EFHC1: variants seen among roughly 807,000 people sequenced by gnomAD.
EFHC1 encodes the protein EF-hand domain-containing protein 1.
A neutral mutation model predicts 69.9 loss-of-function variants in EFHC1; 53 were observed. The ratio of observed to expected loss-of-function variants is 0.76; its 90% CI spans 0.61 to 0.95. EFHC1 has a LOEUF of 0.95. EFHC1 is among the 40% of genes least tolerant of loss of function. The pLI is 0.00. For missense variants in EFHC1, 739 were observed against 798.7 expected (o/e 0.93, Z 0.90); for synonymous variants, 256 against 278.4 (o/e 0.92, Z 0.80).
chr6:52,443,804 A>G (rs202138634), intron 3 of EFHC1, among the ~76,000 whole-genome samples: 8 of 152,010 alleles, frequency 5.3e-5, no homozygotes, highest in Non-Finnish European at 1.0e-4. Context: ...CTTTAAAGTA[A>G]TTTTTTCCAA....
In EFHC1 at chr6:52,428,735, A is replaced by C. The variant is rs538126383; in HGVS notation, c.285+4568A>C. Among the ~76,000 whole-genome samples the C allele has an allele frequency of 2.6e-5, 4 of 152,204 alleles. No homozygotes were observed. The East Asian group carries it at 7.7e-4, about 29-fold the overall frequency. On this transcript the variant is annotated intron_variant, in intron 2 of 10. Transcript: ENST00000371068. ...GATTGCTGGATCAAATGGTGGTTCT[A>C]CTTTTAGTTCTTTGAGGAATCTTCA... is the stretch of plus-strand genomic sequence containing the variant.
intron 6 of EFHC1, among the ~76,000 whole-genome samples, chr6:52,466,052 AT>A (rs1298985935): frequency 2.0e-5 from 3 of 152,038 alleles, no homozygotes; most frequent in South Asian, 2.1e-4. Context: ...TTATAAAAAA[AT>A]AAAGTGTGAG....
Position 52,479,726 on chromosome 6 carries a change from G to T in EFHC1, c.1579G>T (p.Ala527Ser). Residue 527 changes from alanine (A) to serine (S), a missense_variant, in exon 9 of 11, where the codon GCA (alanine) becomes TCA (serine). Transcript: ENST00000371068. ...ESNAAQYSPEALASIQNHVRK... is the reference protein window; with the variant it reads ...ESNAAQYSPESLASIQNHVRK... The stretch of plus-strand genomic sequence containing the variant: ...CAACGCTGCCCAGTATTCACCAGAA[G>T]CACTCGCGTCAATTCAGAACCATGT... 1 of 1,614,196 alleles carries T rather than the reference G, an allele frequency of 6.2e-7. No individual in the cohort carries two copies. Among genetic ancestry groups the T allele is most frequent in the South Asian group, 1.1e-5 (1 of 91,082 alleles).
chr6:52,454,051 C>T, intron 4 of EFHC1, 44 bp from the exon 5 acceptor site: 1 of 1,611,130 alleles, frequency 6.2e-7, no homozygotes, highest in Non-Finnish European at 8.5e-7. Flanking sequence ...AGTTGAACTC[C>T]CTACTTTTAG....
chr6:52,446,049 G>A (rs1274263951), intron 3 of EFHC1, among the ~76,000 whole-genome samples: 2 of 152,196 alleles, frequency 1.3e-5, no homozygotes, highest in African/African-American at 4.8e-5. Flanking sequence ...GATTTGGGGT[G>A]GAGAGTTCTG....
chr6:52,446,538 T>C (rs929292543), intron 3 of EFHC1, among the ~76,000 whole-genome samples: 1 of 152,228 alleles, frequency 6.6e-6, no homozygotes, highest in African/African-American at 2.4e-5. Flanking sequence ...TGTCTTTTAA[T>C]TGGAGCATTT....
In EFHC1 at chr6:52,460,691, C is replaced by G. The variant is rs141004881; in HGVS notation, c.917-4204C>G. 3.5e-3 allele frequency among the ~76,000 whole-genome samples: 529 copies of G among 152,154 alleles called. 3 individuals carry two copies. The highest frequency in any genetic ancestry group is 0.012 in the African/African-American group (499 of 41,508). On this transcript the variant is annotated intron_variant, in intron 5 of 10. Coordinates refer to ENST00000371068, the MANE Select transcript of EFHC1 (RefSeq NM_018100.4). ...CTGACTTCTGTAGCAACAGTGATTA[C>G]CAGAAGACAGTAAAATAATATCTTC...
At chr6:52,476,709 T>A (rs185545073) in intron 7 of EFHC1, among the ~76,000 whole-genome samples, 8 of 152,088 alleles carry the variant, frequency 5.3e-5, no homozygotes, top group African/African-American at 1.9e-4. Context: ...AATTGATGAG[T>A]AGTCTTCAAA....
chr6:52,451,466 A>G (rs1426127491), intron 3 of EFHC1, among the ~76,000 whole-genome samples: 2 of 152,110 alleles, frequency 1.3e-5, no homozygotes, highest in African/African-American at 2.4e-5. Flanking sequence ...TAGGCCCCCA[A>G]TCTCTTCTGG....
intron 9 of EFHC1, chr6:52,482,631 G>C (rs1228748042): frequency 2.5e-6 from 1 of 392,412 alleles, no homozygotes; most frequent in African/African-American, 2.1e-5. Flanking sequence ...AACATTTTAT[G>C]ATTTTTGCTT....
At chr6:52,422,348 T>TG (rs1389898544) in intron 1 of EFHC1, among the ~76,000 whole-genome samples, 1 of 152,182 alleles carries the variant, frequency 6.6e-6, no homozygotes, top group African/African-American at 2.4e-5. Flanking sequence ...CCAATGAGGA[T>TG]GTCAACTCAG....
Position 52,466,669 on chromosome 6 carries a change from G to T in EFHC1, c.1137+1554G>T, listed in dbSNP as rs71555503. 3.1e-3 allele frequency among the ~76,000 whole-genome samples: 465 copies of T among 152,312 alleles called. 1 individual carries two copies. The highest frequency in any genetic ancestry group is 5.1e-3 in the Non-Finnish European group (344 of 68,022). ...TAATACAGTGCCTAATAAATAGGAG[G>T]TATATAATATGTTTCTTGAACTGGA... On this transcript the variant is annotated intron_variant, in intron 6 of 10. Coordinates refer to ENST00000371068, the MANE Select transcript of EFHC1 (RefSeq NM_018100.4).
chr6:52,435,790 C>T (rs1021325040), intron 2 of EFHC1, among the ~76,000 whole-genome samples: 3 of 152,184 alleles, frequency 2.0e-5, no homozygotes, highest in Admixed American at 2.0e-4. Flanking sequence ...GATCTAAAAT[C>T]TTTCACTCTT....
At chr6:52,427,685 T>C (rs1235988939) in intron 2 of EFHC1, among the ~76,000 whole-genome samples, 2 of 152,154 alleles carry the variant, frequency 1.3e-5, no homozygotes, top group Non-Finnish European at 2.9e-5. Flanking sequence ...TATTTAGTGC[T>C]CAATAAATAT....
At chr6:52,446,959 G>C (rs1442369524) in intron 3 of EFHC1, among the ~76,000 whole-genome samples, 2 of 152,160 alleles carry the variant, frequency 1.3e-5, no homozygotes, top group Non-Finnish European at 2.9e-5. Context: ...TCACTTTGTG[G>C]GTAACCCGAA....
chr6:52,462,885 C>CAG (rs1765203051), intron 5 of EFHC1, among the ~76,000 whole-genome samples: 1 of 85,436 alleles, frequency 1.2e-5, no homozygotes, highest in African/African-American at 4.2e-5. Flanking sequence ...AAGACTGTCT[C>CAG]AAAAAAAAAA....
chr6:52,446,468 T>G (rs1235610594), intron 3 of EFHC1, among the ~76,000 whole-genome samples: 1 of 152,210 alleles, frequency 6.6e-6, no homozygotes, highest in Non-Finnish European at 1.5e-5. Context: ...GCACGTCAGA[T>G]GGGTCTCCTG....
At position 52,494,894 on chromosome 6, in the gene EFHC1, G is replaced by A. The variant is rs144304746; in HGVS notation, c.*2553G>A. ...ACATGATTTCATTTTTTATGGCTGC[G>A]TAGTATTCCATGGTGTAGATATACT... On this transcript the variant is annotated 3_prime_UTR_variant, in exon 11 of 11. Transcript: ENST00000371068. 1,421 of 450,926 alleles carry A rather than the reference G, an allele frequency of 3.2e-3. 19 individuals are homozygous for A. Among genetic ancestry groups the A allele is most frequent in the African/African-American group, 0.025 (1,275 of 50,010 alleles). The allele number at this position is 450,926 out of a possible 1,614,324, so 27.9% of individuals were successfully genotyped here. A position where few individuals can be genotyped will look rare whatever the true frequency, so the allele number is the denominator to read the frequency against.
At chr6:52,447,862 C>T (rs2113988660) in intron 3 of EFHC1, among the ~76,000 whole-genome samples, 1 of 152,342 alleles carries the variant, frequency 6.6e-6, no homozygotes, top group Non-Finnish European at 1.5e-5. Flanking sequence ...GCCTGGGTAT[C>T]ACCAGTGGAG....
Sources: allele counts gnomAD v4.1 joint callset (sites outside exome capture counted in the v4.1 genomes callset), GRCh38; gene constraint gnomAD v4.1.1; transcripts MANE v1.5; gene names NCBI Gene and HGNC (gene_info 2026-07-23, HGNC 2026-07-21).